PGCKA1: variants seen among roughly 807,000 people sequenced by gnomAD.
PGCKA1 encodes PDCD10 and GCKIII kinases associated 1.
At chr4:37,468,652 T>G in the PGCKA1 span, among the ~76,000 whole-genome samples, 1 of 152,202 alleles carries the variant, frequency 6.6e-6, no homozygotes, top group Non-Finnish European at 1.5e-5. Flanking sequence ...TTTCCAGTGT[T>G]TTATTAATTT....
chr4:37,585,494 A>G, the PGCKA1 span, among the ~76,000 whole-genome samples: 1 of 86 alleles, frequency 0.012, no homozygotes, highest in African/African-American at 0.016. Context: ...GAGGAGAGGT[A>G]TTGAGGGAGG....
the PGCKA1 span, among the ~76,000 whole-genome samples, chr4:37,534,652 G>A: frequency 1.3e-5 from 2 of 152,208 alleles, no homozygotes; most frequent in Non-Finnish European, 2.9e-5. Context: ...CAGATTTGGT[G>A]TCTGGCGAGG....
At chr4:37,455,884 G>C in the PGCKA1 span, among the ~76,000 whole-genome samples, 1 of 152,172 alleles carries the variant, frequency 6.6e-6, no homozygotes, top group Non-Finnish European at 1.5e-5. Flanking sequence ...TGGAATAGAC[G>C]CCAGTTTCCA....
At chr4:37,494,049 T>G in the PGCKA1 span, among the ~76,000 whole-genome samples, 1 of 152,202 alleles carries the variant, frequency 6.6e-6, no homozygotes, top group Non-Finnish European at 1.5e-5. Context: ...AAATTAGGTA[T>G]CTCTTTGATA....
the PGCKA1 span, chr4:37,590,184 C>T: frequency 2.5e-6 from 4 of 1,614,130 alleles, no homozygotes; most frequent in Non-Finnish European, 3.4e-6. Flanking sequence ...AATTAAAAGG[C>T]AAATGGAGCA....
the PGCKA1 span, among the ~76,000 whole-genome samples, chr4:37,564,737 C>T: frequency 1.3e-5 from 2 of 152,060 alleles, no homozygotes; most frequent in African/African-American, 4.8e-5. Context: ...GAACTCCTGA[C>T]CTCAGGTGAT....
the PGCKA1 span, among the ~76,000 whole-genome samples, chr4:37,465,234 CT>C: frequency 8.7e-3 from 1,277 of 146,860 alleles, 19 homozygotes; most frequent in African/African-American, 0.029. Context: ...CCACAAAAAG[CT>C]TTTTTTTTTT....
At chr4:37,576,839 T>C in the PGCKA1 span, among the ~76,000 whole-genome samples, 1 of 152,064 alleles carries the variant, frequency 6.6e-6, no homozygotes, top group South Asian at 2.1e-4. Context: ...AATGATCATA[T>C]GGTTTTTGCT....
chr4:37,571,082 A>G, the PGCKA1 span, among the ~76,000 whole-genome samples: 8 of 152,192 alleles, frequency 5.3e-5, no homozygotes, highest in Non-Finnish European at 1.0e-4. Context: ...GAAGTGCCCC[A>G]TACAAGCTAG....
At chr4:37,579,723 G>C in the PGCKA1 span, among the ~76,000 whole-genome samples, 1 of 152,014 alleles carries the variant, frequency 6.6e-6, no homozygotes, top group Non-Finnish European at 1.5e-5. Flanking sequence ...TTGACCTTTG[G>C]GAGTTTGATT....
At chr4:37,571,725 G>A in the PGCKA1 span, among the ~76,000 whole-genome samples, 1 of 151,798 alleles carries the variant, frequency 6.6e-6, no homozygotes, top group Non-Finnish European at 1.5e-5. Context: ...TTTTAGTAGA[G>A]ACGGGGTTTC....
chr4:37,559,293 A>T, the PGCKA1 span, among the ~76,000 whole-genome samples: 2 of 128,574 alleles, frequency 1.6e-5, no homozygotes, highest in African/African-American at 6.0e-5. Context: ...TGCCCTTTGT[A>T]GGGACATGGA....
At chr4:37,555,727 G>A in the PGCKA1 span, among the ~76,000 whole-genome samples, 3 of 152,162 alleles carry the variant, frequency 2.0e-5, no homozygotes, top group Non-Finnish European at 2.9e-5. Context: ...TGGACTGGTA[G>A]CTGTTCTCTT....
At chr4:37,513,630 G>T in the PGCKA1 span, among the ~76,000 whole-genome samples, 3 of 152,158 alleles carry the variant, frequency 2.0e-5, no homozygotes, top group Admixed American at 6.5e-5. Context: ...GGGTGTTAGG[G>T]CTGCAACATA....
the PGCKA1 span, among the ~76,000 whole-genome samples, chr4:37,569,105 AG>A: frequency 2.0e-5 from 3 of 151,876 alleles, no homozygotes; most frequent in Non-Finnish European, 4.4e-5. Context: ...TCAAAAAAAA[AG>A]GGGGGGAGAG....
the PGCKA1 span, among the ~76,000 whole-genome samples, chr4:37,504,554 G>A: frequency 2.0e-5 from 3 of 152,058 alleles, no homozygotes; most frequent in South Asian, 6.2e-4. Flanking sequence ...TTCAATCCAT[G>A]AATATGGAAT....
the PGCKA1 span, among the ~76,000 whole-genome samples, chr4:37,564,252 T>A: frequency 7.7e-6 from 1 of 130,504 alleles, no homozygotes; most frequent in African/African-American, 2.9e-5. Flanking sequence ...CCAGCCTGGG[T>A]GACAAGAGTG....
At chr4:37,588,846 G>A in the PGCKA1 span, 2 of 1,608,542 alleles carry the variant, frequency 1.2e-6, no homozygotes, top group South Asian at 1.1e-5. Context: ...TCTTTTCCAG[G>A]TGGTAACAGA....
chr4:37,590,192 GC>G, the PGCKA1 span: 1 of 1,614,096 alleles, frequency 6.2e-7, no homozygotes, highest in Non-Finnish European at 8.5e-7. Context: ...GGCAAATGGA[GC>G]AGTGAAGTCT....
Sources: gnomAD v4.1 joint callset for allele counts (sites outside exome capture counted in the v4.1 genomes callset) on GRCh38, gnomAD v4.1.1 for gene constraint, MANE v1.5 for transcripts, NCBI Gene and HGNC (gene_info 2026-07-23, HGNC 2026-07-21) for gene names.